The following MDFI variants were observed in gnomAD, a reference collection of about 807,000 sequenced individuals.
MDFI encodes inhibitor of MyoD family a.
A neutral mutation model predicts 22.3 loss-of-function variants in MDFI; 16 were observed. The ratio of observed to expected loss-of-function variants is 0.72; its 90% CI spans 0.49 to 1.09. The LOEUF is 1.09. MDFI is among the 50% of genes least tolerant of loss of function. The pLI, the probability that MDFI is intolerant of heterozygous loss-of-function variation, is 0.00. For missense variants in MDFI, 314 were observed against 326.1 expected, an observed-to-expected ratio of 0.96 and a Z score of 0.29; for synonymous variants, 145 against 142.7, an observed-to-expected ratio of 1.02 and a Z score of -0.12.
chr6:41,647,729 G>A (rs975607406), intron 3 of MDFI, among the ~76,000 whole-genome samples: 1 of 152,066 alleles, frequency 6.6e-6, no homozygotes, highest in African/African-American at 2.4e-5. Context: ...TGTGAAATGG[G>A]GCCAGTAGTA....
intron 3 of MDFI, among the ~76,000 whole-genome samples, chr6:41,647,398 G>A (rs557938209): frequency 2.6e-5 from 4 of 152,290 alleles, no homozygotes; most frequent in South Asian, 2.1e-4. Flanking sequence ...CCCATGTTTC[G>A]GCAGAAGGGC....
intron 4 of MDFI, 70 bp downstream of exon 4, chr6:41,649,913 GC>G: frequency 7.6e-7 from 1 of 1,323,334 alleles, no homozygotes; most frequent in Non-Finnish European, 1.1e-6. Context: ...TGACGCATGG[GC>G]CCACTGGAGC....
chr6:41,644,104 C>T (rs1581832392), intron 2 of MDFI, among the ~76,000 whole-genome samples: 2 of 152,112 alleles, frequency 1.3e-5, no homozygotes, highest in African/African-American at 4.8e-5. Context: ...TGGTGTAGAC[C>T]GGGCTCAGGG....
intron 3 of MDFI, among the ~76,000 whole-genome samples, chr6:41,647,763 G>A (rs1053443101): frequency 6.6e-6 from 1 of 152,112 alleles, no homozygotes; most frequent in Non-Finnish European, 1.5e-5. Context: ...GCCTAAAGAA[G>A]CTGCTCCACC....
upstream of MDFI, chr6:41,638,417 A>C: frequency 1.4e-5 from 3 of 222,096 alleles, no homozygotes; most frequent in East Asian, 1.1e-4. This position sits in a 1 kb window ranked among gnomAD's most constrained non-coding sequence, Gnocchi z 7.6. Context: ...GGAAGAGGGG[A>C]GGGGAGAGGC....
rs1767739442 is a variant in MDFI, at chr6:41,638,924, C to T, written c.76+99C>T. 2 of 1,308,496 alleles carry T rather than the reference C, an allele frequency of 1.5e-6. No individual in the cohort carries two copies. Among genetic ancestry groups the T allele is most frequent in the Non-Finnish European group, 2.1e-6 (2 of 970,616 alleles). The allele number at this position is 1,308,496 out of a possible 1,614,324, so 81.1% of individuals were successfully genotyped here. ...TCTCCGTCCCCAGACGCGGGGAGACCGTTCCAGGGAGCTTGGTGGGGGTAG... is the reference window on the plus strand; with the variant it reads ...TCTCCGTCCCCAGACGCGGGGAGACTGTTCCAGGGAGCTTGGTGGGGGTAG... On this transcript the variant is annotated intron_variant, in intron 2 of 4. Transcript: ENST00000230321. The surrounding 1 kb of genome is among the most constrained non-coding windows in gnomAD (Gnocchi z 7.6).
chr6:41,639,477 G>C, intron 2 of MDFI: 1 of 985,440 alleles, frequency 1.0e-6, no homozygotes, highest in Non-Finnish European at 1.2e-6. Context: ...GCGATTCCTG[G>C]GGGAGCCTCT....
upstream of MDFI, chr6:41,637,257 C>A (rs1767675122): frequency 6.6e-6 from 1 of 151,990 alleles, no homozygotes; most frequent in African/African-American, 2.4e-5. The surrounding 1 kb of genome is among the most constrained non-coding windows in gnomAD (Gnocchi z 6.8). Flanking sequence ...GACGGCGCCC[C>A]AGGACCTGCG....
At position 41,649,478 on chromosome 6, in the gene MDFI, A is replaced by T. The variant is rs574315426; in HGVS notation, c.260-141A>T. ...TAGTCATTTCTTCTCTCTGGGCCTC[A>T]GTTTCCCCATCTGCAGGATACAGGT... On this transcript the variant is annotated intron_variant, in intron 3 of 4. Transcript: ENST00000230321. 5 of 746,778 alleles carry T rather than the reference A, an allele frequency of 6.7e-6. No individual in the cohort carries two copies. The Admixed American group carries it at 1.3e-4, about 19-fold the overall frequency. The allele number at this position is 746,778 out of a possible 1,614,324, so 46.3% of individuals were successfully genotyped here. A position where few individuals can be genotyped will look rare whatever the true frequency, so the allele number is the denominator to read the frequency against.
intron 2 of MDFI, among the ~76,000 whole-genome samples, chr6:41,643,739 T>C (rs888024543): frequency 6.6e-6 from 1 of 151,936 alleles, no homozygotes; most frequent in African/African-American, 2.4e-5. Flanking sequence ...GGTGAAAGGC[T>C]CGTGAACAAC....
intron 3 of MDFI, among the ~76,000 whole-genome samples, chr6:41,646,893 C>A (rs1768072812): frequency 6.6e-6 from 1 of 152,198 alleles, no homozygotes; most frequent in African/African-American, 2.4e-5. Flanking sequence ...CCTGAGTGGG[C>A]TCACTTGCTC....
chr6:41,653,654 CTG>C lies in MDFI; in HGVS notation c.*81_*82del. 3 of 1,554,458 alleles carry C rather than the reference CTG, an allele frequency of 1.9e-6. No individual in the cohort carries two copies. Among genetic ancestry groups the C allele is most frequent in the Non-Finnish European group, 2.6e-6 (3 of 1,149,642 alleles). ...CCTCTGAGTGGGGCCAGGCCCAGGA[CTG>C]TCACACAAGGCTTGAGAAGCCCCCT... On this transcript the variant is annotated 3_prime_UTR_variant, in exon 5 of 5. Coordinates refer to ENST00000230321, the MANE Select transcript of MDFI (RefSeq NM_005586.4). The surrounding 1 kb of genome is among the most constrained non-coding windows in gnomAD (Gnocchi z 4.2).
chr6:41,641,682 C>G (rs956472226), intron 2 of MDFI, among the ~76,000 whole-genome samples: 4 of 152,176 alleles, frequency 2.6e-5, no homozygotes, highest in Admixed American at 2.6e-4. Flanking sequence ...AGTGGGAAGC[C>G]CAGATCCACG....
intron 2 of MDFI, among the ~76,000 whole-genome samples, chr6:41,645,350 C>T (rs888349158): frequency 6.6e-6 from 1 of 152,024 alleles, no homozygotes. Context: ...AAGGTGGCTC[C>T]ATTTCTGCCT....
At position 41,646,127 on chromosome 6, in the gene MDFI, C is replaced by G. The variant is rs755649108; in HGVS notation, c.78C>G (p.Ala26=). Residue 26 remains alanine (A), a splice_region_variant and synonymous_variant, in exon 3 of 5, where the codon GCC becomes GCG. Coordinates refer to ENST00000230321, the MANE Select transcript of MDFI (RefSeq NM_005586.4). ...YGAPSAAPGP[A]QTLSLLPGLE... Reference sequence around the variant, plus strand: ...CTCAGTCATCTGCTTTTTTCCTAGCCCAGACCCTATCCCTCCTTCCTGGGC... The same window carrying G: ...CTCAGTCATCTGCTTTTTTCCTAGCGCAGACCCTATCCCTCCTTCCTGGGC... 6.6e-7 allele frequency: 1 copy of G among 1,510,630 alleles called. No individual in the cohort carries two copies. The highest frequency in any genetic ancestry group is 2.2e-5 in the Admixed American group (1 of 44,476). 93.6% of individuals were successfully genotyped at this position (1,510,630 alleles called of 1,614,324 possible).
intron 3 of MDFI, among the ~76,000 whole-genome samples, chr6:41,648,359 C>T (rs919095096): frequency 6.6e-6 from 1 of 152,178 alleles, no homozygotes; most frequent in African/African-American, 2.4e-5. Context: ...TAAAAGAAGA[C>T]TAGCAATACT....
intron 4 of MDFI, 144 bp downstream of exon 4, chr6:41,649,987 G>A: frequency 1.4e-6 from 1 of 722,840 alleles, no homozygotes; most frequent in Middle Eastern, 3.1e-4. Context: ...CTACTGGATT[G>A]GAATCTCTGG....
chr6:41,637,892 A>G (rs1430011273), upstream of MDFI, among the ~76,000 whole-genome samples: 10 of 152,268 alleles, frequency 6.6e-5, no homozygotes, highest in African/African-American at 2.2e-4. This position sits in a 1 kb window ranked among gnomAD's most constrained non-coding sequence, Gnocchi z 6.8. Flanking sequence ...CTGCTGCGGC[A>G]CAGGGCAGGC....
At chr6:41,650,952 C>T (rs1768249005) in intron 4 of MDFI, among the ~76,000 whole-genome samples, 1 of 151,996 alleles carries the variant, frequency 6.6e-6, no homozygotes, top group African/African-American at 2.4e-5. Flanking sequence ...TTCTGTAATC[C>T]CAGCCCTTTG....
Sources: gnomAD v4.1 joint callset for allele counts (sites outside exome capture counted in the v4.1 genomes callset) on GRCh38, gnomAD v4.1.1 for gene constraint, Gnocchi (gnomAD v3.1) non-coding constraint, MANE v1.5 for transcripts, NCBI Gene and HGNC (gene_info 2026-07-23, HGNC 2026-07-21) for gene names.